Variants in DENND1B observed in about 807,000 individuals in gnomAD.
The protein encoded by DENND1B is DENN domain containing 1B, also known as DENN domain-containing protein 1B.
Under a neutral mutation model 90.1 loss-of-function variants are expected in DENND1B, and 59 were observed. That is an observed-to-expected ratio of 0.65 (90% CI 0.53 to 0.81). The LOEUF (loss-of-function observed/expected upper bound fraction) is 0.81, where lower values mean the gene tolerates loss of function less well. Among genes scored for constraint, DENND1B ranks in the 40% least tolerant of loss-of-function variants. The pLI is 0.00. For missense variants in DENND1B, 862 were observed against 912.6 expected, an observed-to-expected ratio of 0.94 and a Z score of 0.71; for synonymous variants, 337 against 324.6, an observed-to-expected ratio of 1.04 and a Z score of -0.41.
intron 15 of DENND1B, among the ~76,000 whole-genome samples, chr1:197,564,947 T>G (rs1672498457): frequency 6.6e-6 from 1 of 152,024 alleles, no homozygotes. Flanking sequence ...AACTGTCTCC[T>G]CTTGTACATT....
At chr1:197,658,400 CATA>C in intron 5 of DENND1B, 31 bp from the exon 6 acceptor site, 1 of 1,380,174 alleles carries the variant, frequency 7.2e-7, no homozygotes, top group Non-Finnish European at 1.0e-6. Flanking sequence ...AATGTATATA[CATA>C]AAATTCAGAA....
intron 3 of DENND1B, among the ~76,000 whole-genome samples, chr1:197,699,747 A>G (rs1658830765): frequency 6.6e-6 from 1 of 152,132 alleles, no homozygotes; most frequent in Admixed American, 6.5e-5. Flanking sequence ...CAAATATCAC[A>G]AAGTATTCCT....
upstream of DENND1B, among the ~76,000 whole-genome samples, chr1:197,778,175 G>C (rs138722501): frequency 1.0e-3 from 157 of 152,096 alleles, no homozygotes; most frequent in African/African-American, 3.7e-3. Context: ...ACCTCCAATC[G>C]TACTTTTGCC....
At chr1:197,608,390 C>T (rs927393807) in intron 12 of DENND1B, among the ~76,000 whole-genome samples, 13 of 150,584 alleles carry the variant, frequency 8.6e-5, no homozygotes, top group African/African-American at 2.9e-4. Flanking sequence ...ATATTAGCAG[C>T]GAATCACTTA....
chr1:197,733,828 T>G (rs1160932439), intron 2 of DENND1B, among the ~76,000 whole-genome samples: 2 of 152,144 alleles, frequency 1.3e-5, no homozygotes, highest in Non-Finnish European at 2.9e-5. Flanking sequence ...AGAGAAAAAC[T>G]TTTAGAACTC....
intron 15 of DENND1B, among the ~76,000 whole-genome samples, chr1:197,574,989 C>T (rs752335471): frequency 6.6e-6 from 1 of 151,900 alleles, no homozygotes; most frequent in Non-Finnish European, 1.5e-5. Flanking sequence ...CATAAAAACC[C>T]TAGAAAACCT....
At position 197,772,849 on chromosome 1, in the gene DENND1B, G is replaced by C. The variant is rs1656793889; in HGVS notation, c.82+19C>G. The C allele has an allele frequency of 1.3e-6, 2 of 1,542,802 alleles. No homozygotes were observed. Among genetic ancestry groups the C allele is most frequent in the South Asian group, 2.4e-5 (2 of 82,616 alleles). ...AAAAAAGAGACCTTGTCAAATAACAGAACACAGAAGACACATACCTTCATT... is the reference window on the plus strand; with the variant it reads ...AAAAAAGAGACCTTGTCAAATAACACAACACAGAAGACACATACCTTCATT... On this transcript the variant is annotated intron_variant, in intron 2 of 22. Transcript: ENST00000620048.
At chr1:197,730,952 T>C (rs1021017738) in intron 2 of DENND1B, among the ~76,000 whole-genome samples, 1 of 152,072 alleles carries the variant, frequency 6.6e-6, no homozygotes, top group Non-Finnish European at 1.5e-5. Flanking sequence ...AATCTCAGAA[T>C]AGGGTTGATC....
chr1:197,576,491 T>C (rs1263608738), intron 15 of DENND1B, among the ~76,000 whole-genome samples: 5 of 152,214 alleles, frequency 3.3e-5, no homozygotes, highest in Admixed American at 3.3e-4. Flanking sequence ...GTATGTGGTA[T>C]ATTTAACTGA....
intron 3 of DENND1B, 64 bp downstream of exon 3, chr1:197,714,967 G>T (rs906852697): frequency 2.5e-6 from 3 of 1,201,172 alleles, no homozygotes; most frequent in Non-Finnish European, 1.2e-6. Flanking sequence ...AACAGCAGCA[G>T]TAATAGTAGC....
chr1:197,547,484 C>G (rs1670902392), intron 16 of DENND1B, among the ~76,000 whole-genome samples: 1 of 152,136 alleles, frequency 6.6e-6, no homozygotes, highest in Admixed American at 6.5e-5. Context: ...GTGTCCAGCT[C>G]TGGATTCACT....
chr1:197,608,580 CAT>C (rs1421996211), intron 12 of DENND1B, among the ~76,000 whole-genome samples: 3 of 150,568 alleles, frequency 2.0e-5, no homozygotes, highest in South Asian at 4.2e-4. Flanking sequence ...TGTGAAAAAA[CAT>C]GTCATAATTT....
intron 2 of DENND1B, chr1:197,735,648 C>T: frequency 1.2e-6 from 2 of 1,614,174 alleles, no homozygotes; most frequent in South Asian, 2.2e-5. Flanking sequence ...GAAGGTCGAG[C>T]TATGCGGTTT....
At chr1:197,521,662 GTATAAT>G (rs1389569314) in intron 20 of DENND1B, among the ~76,000 whole-genome samples, 1 of 151,800 alleles carries the variant, frequency 6.6e-6, no homozygotes, top group Non-Finnish European at 1.5e-5. Context: ...AAATAATAAT[GTATAAT>G]TATAATAGTG....
chr1:197,511,181 C>T (rs184045450), intron 22 of DENND1B, among the ~76,000 whole-genome samples: 81 of 151,838 alleles, frequency 5.3e-4, no homozygotes, highest in Non-Finnish European at 8.8e-4. Context: ...CAGCTGTCAC[C>T]TAACAAATTC....
Position 197,674,133 on chromosome 1 carries a change from A to G in DENND1B, c.163T>C (p.Phe55Leu). 6.2e-7 allele frequency: 1 copy of G among 1,601,742 alleles called. No individual in the cohort carries two copies. The highest frequency in any genetic ancestry group is 8.5e-7 in the Non-Finnish European group (1 of 1,172,230). The change falls in exon 4 of 23, where the codon TTT becomes CTT. Residue 55 changes from phenylalanine (F) to leucine (L), a missense_variant. Coordinates refer to ENST00000620048, the MANE Select transcript of DENND1B (RefSeq NM_001195215.2). ...CTTATACTGTACCTTTCAACGTCAAAGGGAAAACAGAACTTTGGCACACTC... is the reference window on the plus strand; with the variant it reads ...CTTATACTGTACCTTTCAACGTCAAGGGGAAAACAGAACTTTGGCACACTC... ...LQSVPKFCFP[F>L]DVERVSQNQV...
chr1:197,513,272 A>G (rs1214020783), intron 20 of DENND1B, among the ~76,000 whole-genome samples: 3 of 151,534 alleles, frequency 2.0e-5, no homozygotes, highest in Non-Finnish European at 4.4e-5. Flanking sequence ...ATACTCAATT[A>G]TACCCTCATG....
intron 2 of DENND1B, among the ~76,000 whole-genome samples, chr1:197,768,283 A>C: frequency 6.6e-6 from 1 of 150,614 alleles, no homozygotes; most frequent in African/African-American, 2.5e-5. Context: ...TCCTACTACT[A>C]CTGCTACTAT....
At chr1:197,529,682 G>T (rs936789684) in intron 20 of DENND1B, among the ~76,000 whole-genome samples, 2 of 151,988 alleles carry the variant, frequency 1.3e-5, no homozygotes, top group African/African-American at 2.4e-5. Flanking sequence ...ATTATTTAAA[G>T]AAATTTCTTA....
Sources: gnomAD v4.1 joint callset for allele counts (sites outside exome capture counted in the v4.1 genomes callset) on GRCh38, gnomAD v4.1.1 for gene constraint, MANE v1.5 for transcripts, NCBI Gene and HGNC (gene_info 2026-07-23, HGNC 2026-07-21) for gene names.